EML5: variants seen among roughly 807,000 people sequenced by gnomAD.
EML5 encodes the protein echinoderm microtubule-associated protein-like 5.
In EML5, 120 loss-of-function variants were observed where a neutral mutation model predicts 250.0. The observed-to-expected ratio is 0.48, with a 90% confidence interval of 0.41 to 0.56. EML5 has a LOEUF of 0.56. Ranked by LOEUF, EML5 falls within the 20% of genes least tolerant of loss-of-function variation. EML5 has a pLI of 0.00. For synonymous variants in EML5, 771 were observed against 806.5 expected (o/e 0.96, Z 0.75); for missense variants, 2,006 against 2,437.6 (o/e 0.82, Z 3.73).
In EML5 at chr14:88,616,553, G is replaced by A. The variant is rs142406159; in HGVS notation, c.5796+173C>T. On this transcript the variant is annotated intron_variant, in intron 42 of 43. Transcript: ENST00000554922. ...GATGGTTCCAAAGATGGTATTACTC[G>A]AGGGAGAGGATTTGTTTCTAATAGC... 67 of 664,478 alleles carry A rather than the reference G, an allele frequency of 1.0e-4. 1 individual carries two copies. Among genetic ancestry groups the A allele is most frequent in the African/African-American group, 6.3e-4 (35 of 55,306 alleles). 41.2% of individuals were successfully genotyped at this position (664,478 alleles called of 1,614,324 possible). A position where few individuals can be genotyped will look rare whatever the true frequency, so the allele number is the denominator to read the frequency against.
At chr14:88,733,365 C>T (rs1247125836) in intron 7 of EML5, among the ~76,000 whole-genome samples, 1 of 152,228 alleles carries the variant, frequency 6.6e-6, no homozygotes, top group Non-Finnish European at 1.5e-5. Context: ...CACAAATTGG[C>T]TGGATAGCTC....
intron 21 of EML5, among the ~76,000 whole-genome samples, chr14:88,676,143 C>G (rs1038122008): frequency 8.5e-5 from 13 of 152,218 alleles, no homozygotes; most frequent in Non-Finnish European, 1.3e-4. Flanking sequence ...GTTGCTTCCA[C>G]ATTTTCAGGT....
rs896535145 is a variant in EML5 at position 88,662,723 on chromosome 14, T to C, written c.3498+308A>G. Among the ~76,000 whole-genome samples, 8 of 151,736 alleles carry C rather than the reference T, an allele frequency of 5.3e-5. No individual in the cohort carries two copies. In the East Asian group the frequency reaches 7.7e-4, roughly 15 times the overall value. On this transcript the variant is annotated intron_variant, in intron 24 of 43. Transcript: ENST00000554922. Reference sequence around the variant, plus strand: ...ATGCCCAGCTAATTTTTTGTATTTTTTTGTAGAGATGGGGTTTCAGCATGT... The same window carrying C: ...ATGCCCAGCTAATTTTTTGTATTTTCTTGTAGAGATGGGGTTTCAGCATGT...
At chr14:88,638,018 G>C (rs751521052) in intron 32 of EML5, among the ~76,000 whole-genome samples, 1 of 152,082 alleles carries the variant, frequency 6.6e-6, no homozygotes, top group Non-Finnish European at 1.5e-5. Context: ...GAAAAATAAA[G>C]ATATTAAAAG....
chr14:88,622,769 T>C lies in EML5; in HGVS notation c.4899-51A>G, dbSNP rs935255762. On this transcript the variant is annotated intron_variant, in intron 36 of 43. Transcript: ENST00000554922. Reference sequence around the variant, plus strand: ...AGTGTTCATTATTGGCTACTATAATTTTTATTATAAACAAATACCAAGTTA... The same window carrying C: ...AGTGTTCATTATTGGCTACTATAATCTTTATTATAAACAAATACCAAGTTA... 4 of 1,330,500 alleles carry C rather than the reference T, an allele frequency of 3.0e-6. No homozygotes were observed. In the African/African-American group the frequency reaches 6.0e-5, roughly 20 times the overall value. The allele number at this position is 1,330,500 out of a possible 1,614,324, so 82.4% of individuals were successfully genotyped here.
intron 19 of EML5, among the ~76,000 whole-genome samples, chr14:88,686,130 A>T (rs1270555205): frequency 6.6e-6 from 1 of 152,110 alleles, no homozygotes; most frequent in African/African-American, 2.4e-5. Flanking sequence ...GGGTGGGGGA[A>T]ATCATCCTAG....
At chr14:88,634,989 G>C (rs1315822233) in intron 32 of EML5, among the ~76,000 whole-genome samples, 1 of 152,100 alleles carries the variant, frequency 6.6e-6, no homozygotes, top group African/African-American at 2.4e-5. Context: ...TGATGGCAAA[G>C]CTTACTGTAT....
intron 42 of EML5, 126 bp downstream of exon 42, chr14:88,616,599 AT>A (rs975471644): frequency 3.2e-6 from 3 of 948,828 alleles, no homozygotes; most frequent in Middle Eastern, 3.4e-4. Context: ...AAGTAAATAG[AT>A]TTAGAAAGTT....
intron 2 of EML5, 86 bp from the exon 3 acceptor site, chr14:88,746,369 A>C: frequency 1.8e-6 from 2 of 1,089,806 alleles, no homozygotes; most frequent in South Asian, 2.8e-5. Context: ...AAGAAATTAT[A>C]CTCATGGGTT....
chr14:88,715,895 G>A (rs1256336205), intron 8 of EML5, among the ~76,000 whole-genome samples: 4 of 151,942 alleles, frequency 2.6e-5, no homozygotes, highest in South Asian at 2.1e-4. Context: ...CAGTGAAGTG[G>A]AACTTTTTTT....
chr14:88,740,659 G>T, intron 4 of EML5, 87 bp from the exon 5 acceptor site: 1 of 1,180,158 alleles, frequency 8.5e-7, no homozygotes, highest in Non-Finnish European at 1.2e-6. Context: ...CTATATTAGA[G>T]CAGTGAGCTA....
chr14:88,652,746 G>A (rs1211640499), intron 27 of EML5, among the ~76,000 whole-genome samples: 4 of 151,966 alleles, frequency 2.6e-5, no homozygotes, highest in African/African-American at 9.7e-5. Flanking sequence ...CTTTGCTTCT[G>A]AAGTCCATGC....
At chr14:88,691,795 T>C (rs918538971) in intron 17 of EML5, among the ~76,000 whole-genome samples, 3 of 152,208 alleles carry the variant, frequency 2.0e-5, no homozygotes, top group African/African-American at 7.2e-5. Context: ...ATGAACTCTG[T>C]GGATCAGAAC....
intron 10 of EML5, among the ~76,000 whole-genome samples, chr14:88,706,769 C>T (rs534084744): frequency 6.6e-6 from 1 of 152,306 alleles, no homozygotes; most frequent in Admixed American, 6.5e-5. Flanking sequence ...GACCTTACCC[C>T]CATTATTCTC....
intron 24 of EML5, among the ~76,000 whole-genome samples, chr14:88,662,347 TTTTTTTTTTTTTTTTTTTTA>T (rs1249027034): frequency 1.4e-5 from 2 of 140,686 alleles, no homozygotes; most frequent in Non-Finnish European, 3.0e-5. Flanking sequence ...TTGTTTTTTT[TTTTTTTTTTTTTTTTTTTTA>T]AAGAAGCAAA....
intron 37 of EML5, 129 bp from the exon 38 acceptor site, chr14:88,621,430 C>A: frequency 1.0e-6 from 1 of 1,001,198 alleles, no homozygotes; most frequent in South Asian, 1.5e-5. Context: ...AGTAGCAAGG[C>A]AGTCATTAGC....
chr14:88,783,186 A>G (rs764174194), intron 1 of EML5, among the ~76,000 whole-genome samples: 13 of 152,228 alleles, frequency 8.5e-5, no homozygotes, highest in Non-Finnish European at 1.8e-4. Context: ...TCTGCTAGGG[A>G]AGTGCATAAA....
At chr14:88,638,123 A>G (rs1321310506) in intron 32 of EML5, among the ~76,000 whole-genome samples, 1 of 152,192 alleles carries the variant, frequency 6.6e-6, no homozygotes, top group African/African-American at 2.4e-5. Flanking sequence ...ATTTCAATAA[A>G]TTTTACAAAC....
intron 33 of EML5, among the ~76,000 whole-genome samples, chr14:88,633,712 A>G (rs982382787): frequency 5.3e-5 from 8 of 152,170 alleles, no homozygotes. Context: ...CAGAACATAT[A>G]TAACTTCATA....
Sources: allele counts gnomAD v4.1 joint callset (sites outside exome capture counted in the v4.1 genomes callset), GRCh38; gene constraint gnomAD v4.1.1; transcripts MANE v1.5; gene names NCBI Gene and HGNC (gene_info 2026-07-23, HGNC 2026-07-21).